The following PAK2 variants were observed in gnomAD, a reference collection of about 807,000 sequenced individuals.
PAK2 encodes p21 (RAC1) activated kinase 2.
A neutral mutation model predicts 65.9 loss-of-function variants in PAK2; 21 were observed. The observed-to-expected ratio is 0.32, with a 90% CI of 0.23 to 0.46. The LOEUF is 0.46. Among genes scored for constraint, PAK2 ranks in the 20% least tolerant of loss-of-function variants. The pLI is 1.00. For missense variants in PAK2, 324 were observed against 642.6 expected, an observed-to-expected ratio of 0.50 and a Z score of 5.36; for synonymous variants, 204 against 219.7, an observed-to-expected ratio of 0.93 and a Z score of 0.63.
At chr3:196,819,101 G>A (rs1469094245) in intron 12 of PAK2, among the ~76,000 whole-genome samples, 2 of 152,184 alleles carry the variant, frequency 1.3e-5, no homozygotes, top group African/African-American at 4.8e-5. Flanking sequence ...TGAGCAGTAA[G>A]GGAATAATTA....
intron 13 of PAK2, among the ~76,000 whole-genome samples, chr3:196,822,241 A>G (rs1269706963): frequency 2.0e-5 from 3 of 152,248 alleles, no homozygotes; most frequent in Non-Finnish European, 4.4e-5. Context: ...AATGCTGTCT[A>G]AAAGAACCCA....
At chr3:196,764,265 C>T (rs1037922206) in intron 1 of PAK2, among the ~76,000 whole-genome samples, 3 of 152,042 alleles carry the variant, frequency 2.0e-5, no homozygotes, top group Non-Finnish European at 2.9e-5. Context: ...AACATTTTAG[C>T]GCTCTTCAAG....
At chr3:196,747,763 G>A (rs921556500) in intron 1 of PAK2, among the ~76,000 whole-genome samples, 1 of 152,012 alleles carries the variant, frequency 6.6e-6, no homozygotes, top group African/African-American at 2.4e-5. Flanking sequence ...GTCTTTATTA[G>A]TCCTAGTAAG....
chr3:196,808,818 G>A (rs1011086402), intron 7 of PAK2, among the ~76,000 whole-genome samples: 3 of 152,112 alleles, frequency 2.0e-5, no homozygotes, highest in Non-Finnish European at 4.4e-5. Context: ...CCGAGATCGT[G>A]CCACTGCACT....
At chr3:196,767,051 C>T (rs538412011) in intron 1 of PAK2, among the ~76,000 whole-genome samples, 3 of 151,148 alleles carry the variant, frequency 2.0e-5, no homozygotes, top group Admixed American at 6.6e-5. Context: ...AACTGGTTTT[C>T]ACTTCATATA....
chr3:196,741,333 G>A (rs1190341090), intron 1 of PAK2, among the ~76,000 whole-genome samples: 1 of 152,174 alleles, frequency 6.6e-6, no homozygotes, highest in Admixed American at 6.5e-5. Context: ...TGGGATGAAG[G>A]CAGTGAATAG....
At chr3:196,763,506 A>G (rs1714053863) in intron 1 of PAK2, among the ~76,000 whole-genome samples, 2 of 152,182 alleles carry the variant, frequency 1.3e-5, no homozygotes, top group African/African-American at 2.4e-5. Flanking sequence ...CGGAATGGAC[A>G]GAAATGATGA....
intron 11 of PAK2, among the ~76,000 whole-genome samples, chr3:196,815,735 C>T (rs113579516): frequency 6.6e-6 from 1 of 151,242 alleles, no homozygotes; most frequent in Non-Finnish European, 1.5e-5. Context: ...CACAGTGAGC[C>T]GAGATCGTGC....
chr3:196,808,810 G>C (rs1288672921), intron 7 of PAK2, among the ~76,000 whole-genome samples: 1 of 152,096 alleles, frequency 6.6e-6, no homozygotes, highest in Non-Finnish European at 1.5e-5. Flanking sequence ...GCAGTGAGCC[G>C]AGATCGTGCC....
At chr3:196,800,394 G>A (rs566494615) in intron 2 of PAK2, among the ~76,000 whole-genome samples, 1 of 152,026 alleles carries the variant, frequency 6.6e-6, no homozygotes, top group South Asian at 2.1e-4. Flanking sequence ...AAAAGAAAAA[G>A]AAAGAAAGAA....
chr3:196,781,901 C>T (rs886561336), intron 1 of PAK2, among the ~76,000 whole-genome samples: 2 of 152,112 alleles, frequency 1.3e-5, no homozygotes, highest in Non-Finnish European at 2.9e-5. Context: ...TTCAGGAGTT[C>T]GAGACCAGCC....
intron 1 of PAK2, among the ~76,000 whole-genome samples, chr3:196,753,692 T>G (rs1426543530): frequency 6.6e-6 from 1 of 152,246 alleles, no homozygotes; most frequent in African/African-American, 2.4e-5. Context: ...TTTAGATTGC[T>G]AACTTCCCTC....
rs1711602800 is a variant in PAK2 at position 196,820,159 on chromosome 3, T to C, written c.1154-212T>C. Among the ~76,000 whole-genome samples, 1 of 152,208 alleles carries C rather than the reference T, an allele frequency of 6.6e-6. No homozygotes were observed. The highest frequency in any genetic ancestry group is 1.5e-5 in the Non-Finnish European group (1 of 68,030). ...TTATTCAGAATAAAAGGCCTCCTGATAATTTGGACTCTGTGGCAAGTAAAA... is the reference window on the plus strand; with the variant it reads ...TTATTCAGAATAAAAGGCCTCCTGACAATTTGGACTCTGTGGCAAGTAAAA... On this transcript the variant is annotated intron_variant, in intron 12 of 14. Coordinates refer to ENST00000327134, the MANE Select transcript of PAK2 (RefSeq NM_002577.4). The surrounding 1 kb of genome is among the most constrained non-coding windows in gnomAD (Gnocchi z 4.6).
intron 10 of PAK2, among the ~76,000 whole-genome samples, chr3:196,813,505 A>G (rs577075275): frequency 6.6e-6 from 1 of 152,048 alleles, no homozygotes; most frequent in South Asian, 2.1e-4. Flanking sequence ...CTACAACTGC[A>G]TGAGAGAAGA....
intron 13 of PAK2, among the ~76,000 whole-genome samples, chr3:196,823,832 AAAC>A (rs1383811258): frequency 2.4e-4 from 37 of 151,880 alleles, no homozygotes; most frequent in African/African-American, 8.7e-4. Flanking sequence ...AAAAAGAAAA[AAAC>A]ACCTTGGCCC....
intron 13 of PAK2, among the ~76,000 whole-genome samples, chr3:196,826,394 A>C (rs558626995): frequency 6.6e-6 from 1 of 150,716 alleles, no homozygotes; most frequent in Non-Finnish European, 1.5e-5. Context: ...GGATGCTCTC[A>C]ATCTCCTGAC....
Position 196,820,361 on chromosome 3 carries a change from T to G in PAK2, c.1154-10T>G. ...GGAAGCCATTAACTCTGTTTTGTTT[T>G]GTTTTGTAGCTGACTTTGGTTTCTG... On this transcript the variant is annotated splice_polypyrimidine_tract_variant and intron_variant, in intron 12 of 14. Coordinates refer to ENST00000327134, the MANE Select transcript of PAK2 (RefSeq NM_002577.4). This position sits in a 1 kb window ranked among gnomAD's most constrained non-coding sequence, Gnocchi z 4.6. 6.5e-7 allele frequency: 1 copy of G among 1,547,438 alleles called. No homozygotes were observed.
intron 1 of PAK2, among the ~76,000 whole-genome samples, chr3:196,751,696 A>ATATATATATATATATATATATATATATAT (rs1713603033): frequency 1.4e-5 from 1 of 72,664 alleles, no homozygotes; most frequent in African/African-American, 6.7e-5. Context: ...TATATATATA[A>ATATATATATATATATATATATATATATAT]TTCAGGCTAT....
intron 2 of PAK2, among the ~76,000 whole-genome samples, chr3:196,787,362 C>G (rs755703697): frequency 2.6e-5 from 4 of 151,772 alleles, no homozygotes; most frequent in Non-Finnish European, 5.9e-5. Context: ...CGGCAGATCA[C>G]GAGGTCAGGA....
Sources: allele counts gnomAD v4.1 joint callset (sites outside exome capture counted in the v4.1 genomes callset), GRCh38; gene constraint gnomAD v4.1.1; non-coding constraint Gnocchi (gnomAD v3.1); transcripts MANE v1.5; gene names NCBI Gene and HGNC (gene_info 2026-07-23, HGNC 2026-07-21).